Variants in MAF observed in about 807,000 individuals in gnomAD.
MAF encodes the protein transcription factor Maf.
A neutral mutation model predicts 22.0 loss-of-function variants in MAF; 10 were observed. The ratio of observed to expected loss-of-function variants is 0.45; its 90% confidence interval spans 0.28 to 0.77. The LOEUF is 0.77. MAF is among the 30% of genes least tolerant of loss of function. The pLI, the probability that MAF is intolerant of heterozygous loss-of-function variation, is 0.12. For missense variants in MAF, 544 were observed against 548.4 expected, an observed-to-expected ratio of 0.99 and a Z score of 0.08; for synonymous variants, 337 against 255.8, an observed-to-expected ratio of 1.32 and a Z score of -3.03.
At chr16:79,533,940 G>C in the MAF span, among the ~76,000 whole-genome samples, 1 of 152,186 alleles carries the variant, frequency 6.6e-6, no homozygotes, top group Admixed American at 6.5e-5. Context: ...AGACAACAGA[G>C]GGCAAGGAAA....
chr16:79,592,206 T>C (rs1913229012), downstream of MAF, among the ~76,000 whole-genome samples: 1 of 151,842 alleles, frequency 6.6e-6, no homozygotes. Context: ...TTGATTTGTT[T>C]GTTTAGTTTT....
chr16:79,404,159 A>ATTTTC, the MAF span, among the ~76,000 whole-genome samples: 2 of 119,952 alleles, frequency 1.7e-5, no homozygotes, highest in African/African-American at 7.0e-5. Context: ...TACCGTCTGG[A>ATTTTC]TTTTCTTTTT....
the MAF span, among the ~76,000 whole-genome samples, chr16:79,320,969 AC>A: frequency 6.6e-6 from 1 of 152,132 alleles, no homozygotes; most frequent in Non-Finnish European, 1.5e-5. Flanking sequence ...TGGGATTTGA[AC>A]CCAGTCCAGT....
the MAF span, among the ~76,000 whole-genome samples, chr16:79,410,885 C>T: frequency 3.9e-5 from 6 of 152,166 alleles, no homozygotes; most frequent in African/African-American, 1.4e-4. Context: ...TAACCCTTTG[C>T]ATAGAGGTGG....
chr16:79,493,223 T>C, the MAF span, among the ~76,000 whole-genome samples: 1 of 152,042 alleles, frequency 6.6e-6, no homozygotes, highest in Admixed American at 6.6e-5. Context: ...CACTCTGTTG[T>C]CCAGGCTGGA....
At chr16:79,497,337 G>C in the MAF span, among the ~76,000 whole-genome samples, 35 of 152,114 alleles carry the variant, frequency 2.3e-4, no homozygotes, top group African/African-American at 8.4e-4. Context: ...TACCAGGATG[G>C]ATCAGATGCT....
the MAF span, among the ~76,000 whole-genome samples, chr16:79,270,204 C>T: frequency 3.3e-5 from 5 of 152,096 alleles, no homozygotes; most frequent in African/African-American, 1.2e-4. Context: ...CATCTAGCTC[C>T]CACAGAAGGT....
At chr16:79,400,738 C>T in the MAF span, among the ~76,000 whole-genome samples, 3 of 152,240 alleles carry the variant, frequency 2.0e-5, no homozygotes, top group Non-Finnish European at 2.9e-5. Flanking sequence ...GACCCTATAC[C>T]CGGAGGCAGG....
the MAF span, among the ~76,000 whole-genome samples, chr16:79,544,506 G>A: frequency 6.6e-6 from 1 of 152,044 alleles, no homozygotes; most frequent in East Asian, 1.9e-4. Context: ...CGGGCATGGT[G>A]GCTCATGCCT....
chr16:79,364,817 A>G, the MAF span, among the ~76,000 whole-genome samples: 1 of 152,224 alleles, frequency 6.6e-6, no homozygotes, highest in Non-Finnish European at 1.5e-5. Context: ...TTGCATGTGT[A>G]GAATGAAACA....
chr16:79,281,042 A>G, the MAF span, among the ~76,000 whole-genome samples: 1 of 152,166 alleles, frequency 6.6e-6, no homozygotes, highest in Non-Finnish European at 1.5e-5. Flanking sequence ...AGAGACAGGG[A>G]GAAAAAGAGA....
At chr16:79,570,636 A>C in the MAF span, among the ~76,000 whole-genome samples, 112,997 of 152,114 alleles carry the variant, frequency 0.74, 42,309 homozygotes, top group Non-Finnish European at 0.77. Flanking sequence ...AACTGGCTCT[A>C]TGGGTGGGTC....
the MAF span, among the ~76,000 whole-genome samples, chr16:79,437,515 G>C: frequency 1.1e-4 from 16 of 152,072 alleles, no homozygotes; most frequent in African/African-American, 3.1e-4. Flanking sequence ...TACAGTGAGG[G>C]AGACAAAGGT....
the MAF span, among the ~76,000 whole-genome samples, chr16:79,474,431 G>A: frequency 1.3e-5 from 2 of 152,162 alleles, no homozygotes; most frequent in African/African-American, 2.4e-5. Context: ...CTGGCTGGCT[G>A]GGCAGACAGA....
chr16:79,434,963 A>T, the MAF span, among the ~76,000 whole-genome samples: 1 of 152,074 alleles, frequency 6.6e-6, no homozygotes, highest in Admixed American at 6.6e-5. Flanking sequence ...GCGACTGGTG[A>T]TGAGATCACT....
chr16:79,309,296 T>TGGCTTTTTGTAGAAGCCA, the MAF span, among the ~76,000 whole-genome samples: 1 of 152,210 alleles, frequency 6.6e-6, no homozygotes, highest in African/African-American at 2.4e-5. Flanking sequence ...CGCCTTGTTA[T>TGGCTTTTTGTAGAAGCCA]ATAATTGCCT....
chr16:79,582,918 C>A (rs1053805946), downstream of MAF, among the ~76,000 whole-genome samples: 3 of 152,126 alleles, frequency 2.0e-5, no homozygotes, highest in East Asian at 5.8e-4. Flanking sequence ...AGACCAGCCA[C>A]CTGGATTTTT....
chr16:79,431,339 T>G, the MAF span, among the ~76,000 whole-genome samples: 1 of 152,180 alleles, frequency 6.6e-6, no homozygotes, highest in Non-Finnish European at 1.5e-5. Flanking sequence ...GCAATCTGGA[T>G]TTGAATTCCA....
Position 79,594,381 on chromosome 16 carries a change from C to G in MAF, c.*79G>C, listed in dbSNP as rs141266301. The stretch of plus-strand genomic sequence containing the variant: ...TTTAAAAAGGAGACTAAACAGAAGT[C>G]AGGGGTAGGTGGTTCTCCATGACTG... On this transcript the variant is annotated 3_prime_UTR_variant, in exon 2 of 2. Coordinates refer to ENST00000326043, the MANE Select transcript of MAF (RefSeq NM_005360.5). 1.6e-6 allele frequency: 2 copies of G among 1,261,250 alleles called. No individual in the cohort carries two copies. The highest frequency in any genetic ancestry group is 3.0e-5 in the African/African-American group (2 of 67,326). 78.1% of individuals were successfully genotyped at this position (1,261,250 alleles called of 1,614,324 possible).
Sources: gnomAD v4.1 joint callset for allele counts (sites outside exome capture counted in the v4.1 genomes callset) on GRCh38, gnomAD v4.1.1 for gene constraint, MANE v1.5 for transcripts, NCBI Gene and HGNC (gene_info 2026-07-23, HGNC 2026-07-21) for gene names.